Variants in KCTD3 observed in about 807,000 individuals in gnomAD.
KCTD3 encodes the protein potassium channel tetramerization domain containing 3.
KCTD3 carries 41 observed loss-of-function variants against 85.8 expected under a neutral mutation model. The observed-to-expected ratio is 0.48, with a 90% CI of 0.37 to 0.62. The LOEUF (loss-of-function observed/expected upper bound fraction) is 0.62. KCTD3 is among the 20% of genes least tolerant of loss of function. The pLI is 0.00. For missense variants in KCTD3, 724 were observed against 989.9 expected, an observed-to-expected ratio of 0.73 and a Z score of 3.60; for synonymous variants, 338 against 345.4, an observed-to-expected ratio of 0.98 and a Z score of 0.24.
chr1:215,605,173 G>T (rs1654967450), intron 13 of KCTD3, among the ~76,000 whole-genome samples: 1 of 152,100 alleles, frequency 6.6e-6, no homozygotes, highest in South Asian at 2.1e-4. Flanking sequence ...TACAAACATG[G>T]TTTTCATGTG....
chr1:215,605,330 G>T (rs1654973006), intron 13 of KCTD3, among the ~76,000 whole-genome samples: 1 of 152,108 alleles, frequency 6.6e-6, no homozygotes, highest in African/African-American at 2.4e-5. Context: ...ATGTGTAATT[G>T]TTTGTGGTAT....
Position 215,618,872 on chromosome 1 carries a change from CT to C in KCTD3, c.1563-10del. The C allele has an allele frequency of 6.4e-7, 1 of 1,563,522 alleles. No homozygotes were observed. ...CTCATTCCCATCAGGGCTCTTTCTG[CT>C]TTTCTTTTGCAGAATATGTGAGATC... On this transcript the variant is annotated splice_polypyrimidine_tract_variant and intron_variant, in intron 15 of 17. Coordinates refer to ENST00000259154, the MANE Select transcript of KCTD3 (RefSeq NM_016121.5).
In KCTD3 at chr1:215,579,232, C is replaced by T. The variant is rs1659710581; in HGVS notation, c.535+95C>T. ...TTACTTTTAAAGATTTTTGCCTCAT[C>T]TCCTTTTTTATCCAGATTTATCATT... On this transcript the variant is annotated intron_variant, in intron 7 of 17. Coordinates refer to ENST00000259154, the MANE Select transcript of KCTD3 (RefSeq NM_016121.5). The T allele has an allele frequency of 9.4e-6, 9 of 957,062 alleles. No individual in the cohort carries two copies. In the South Asian group the frequency reaches 1.4e-4, roughly 15 times the overall value. The allele number at this position is 957,062 out of a possible 1,614,324, so 59.3% of individuals were successfully genotyped here. A position where few individuals can be genotyped will look rare whatever the true frequency, so the allele number is the denominator to read the frequency against.
intron 9 of KCTD3, among the ~76,000 whole-genome samples, chr1:215,590,280 G>A (rs886223031): frequency 6.6e-6 from 1 of 151,984 alleles, no homozygotes; most frequent in East Asian, 1.9e-4. Flanking sequence ...TTTTAATGAG[G>A]TTGTCATCCT....
chr1:215,587,672 A>G (rs2102571624), intron 9 of KCTD3, among the ~76,000 whole-genome samples: 1 of 152,330 alleles, frequency 6.6e-6, no homozygotes, highest in Non-Finnish European at 1.5e-5. Flanking sequence ...ATTGAAGTAT[A>G]TGAAGAAAAC....
At chr1:215,573,943 A>C (rs1659469437) in intron 2 of KCTD3, 104 bp downstream of exon 2, 2 of 990,682 alleles carry the variant, frequency 2.0e-6, no homozygotes, top group Admixed American at 4.8e-5. Context: ...TTAACTCTTA[A>C]AATTATATAT....
At chr1:215,581,392 T>A (rs1659820501) in intron 8 of KCTD3, among the ~76,000 whole-genome samples, 1 of 152,228 alleles carries the variant, frequency 6.6e-6, no homozygotes, top group Non-Finnish European at 1.5e-5. Flanking sequence ...AATTTTTTTT[T>A]AGGAAGCATT....
At position 215,567,564 on chromosome 1, in the gene KCTD3, G is replaced by A. The variant is rs1052360351; in HGVS notation, c.-122G>A. 2.3e-6 allele frequency: 1 copy of A among 427,612 alleles called. No homozygotes were observed. The allele number at this position is 427,612 out of a possible 1,614,324, so 26.5% of individuals were successfully genotyped here. ...GTGGGGGAAGCCCCGTGCACCCCCC[G>A]CCCTCCGGCCGCCGCCGCCCCGCTG... On this transcript the variant is annotated 5_prime_UTR_variant, in exon 1 of 18. Coordinates refer to ENST00000259154, the MANE Select transcript of KCTD3 (RefSeq NM_016121.5).
intron 15 of KCTD3, among the ~76,000 whole-genome samples, chr1:215,616,769 AAAT>A (rs749950219): frequency 2.0e-5 from 3 of 152,234 alleles, no homozygotes; most frequent in Non-Finnish European, 4.4e-5. Context: ...TAATGAAAAA[AAAT>A]AATAATTTCC....
At position 215,620,543 on chromosome 1, in the gene KCTD3, C is replaced by CCCATCTCCTACAAAGACTACT. The variant is rs751078644; in HGVS notation, c.2383_2403dup (p.Thr795_Pro801dup). 46 of 1,613,556 alleles carry CCCATCTCCTACAAAGACTACT rather than the reference C, an allele frequency of 2.9e-5. No homozygotes were observed. Among genetic ancestry groups the CCCATCTCCTACAAAGACTACT allele is most frequent in the Non-Finnish European group, 3.7e-5 (44 of 1,179,764 alleles). On this transcript the variant is annotated inframe_insertion, in exon 18 of 18. Coordinates refer to ENST00000259154, the MANE Select transcript of KCTD3 (RefSeq NM_016121.5). The stretch of plus-strand genomic sequence containing the variant: ...GAACTGACTCACCTGGTACTGCGTC[C>CCCATCTCCTACAAAGACTACT]CCATCTCCTACAAAGACTACTCCAT...
chr1:215,620,587 G>A lies in KCTD3; in HGVS notation c.2417G>A (p.Ser806Asn), dbSNP rs1655641111. The A allele has an allele frequency of 6.2e-7, 1 of 1,607,050 alleles. No homozygotes were observed. Among genetic ancestry groups the A allele is most frequent in the East Asian group, 2.2e-5 (1 of 44,834 alleles). ...ACTCCATCTCCTCGGCATAAAAAAA[G>A]TGATTCTTCAGGTCAGGAGTACAGC... ...KTTPSPRHKK[S>N]DSSGQEYSL The change falls in exon 18 of 18, where the codon AGT becomes AAT. Residue 806 changes from serine to asparagine, a missense_variant. By Grantham distance (46) the Ser-to-Asn change is conservative (BLOSUM62 1). Around this residue, in one of 6 missense-constraint regions of KCTD3, gnomAD observed 222 missense variants for 217.7 expected, o/e 1.02. Coordinates refer to ENST00000259154, the MANE Select transcript of KCTD3 (RefSeq NM_016121.5).
intron 15 of KCTD3, among the ~76,000 whole-genome samples, chr1:215,615,958 C>T (rs185972704): frequency 5.9e-5 from 9 of 152,186 alleles, no homozygotes; most frequent in Non-Finnish European, 1.2e-4. Context: ...TCCTTTCTCC[C>T]AGGGATGGGG....
At position 215,608,089 on chromosome 1, in the gene KCTD3, G is replaced by T; in HGVS notation, c.1382G>T (p.Gly461Val). Residue 461 changes from glycine (G) to valine (V), a missense_variant, in exon 14 of 18, where the codon GGT becomes GTT. Physicochemically the swap from Gly to Val is moderately radical, Grantham distance 109. Around this residue, in one of 6 missense-constraint regions of KCTD3, gnomAD observed 146 missense variants for 320.3 expected, o/e 0.46. Coordinates refer to ENST00000259154, the MANE Select transcript of KCTD3 (RefSeq NM_016121.5). ...RFRGMISTQP[G>V]STPLASFKIL... ...AGAGGAATGATCTCTACTCAGCCAGGTTCTACTCCTTTAGCGTCATTCAAG... is the reference window on the plus strand; with the variant it reads ...AGAGGAATGATCTCTACTCAGCCAGTTTCTACTCCTTTAGCGTCATTCAAG... The T allele has an allele frequency of 6.2e-7, 1 of 1,612,050 alleles. No homozygotes were observed. The highest frequency in any genetic ancestry group is 8.5e-7 in the Non-Finnish European group (1 of 1,178,544).
rs368679009 is a variant in KCTD3 at position 215,578,038 on chromosome 1, C to G, written c.354C>G (p.Ser118=). ...TCTTATGTGAAGAATTGGAGCGTTC[C>G]TCTTGTGGCAGTGTCCTTTTTCATG... ...RLLLCEELER[S]SCGSVLFHGY... The change falls in exon 6 of 18, where the codon TCC becomes TCG. Residue 118 remains serine (S), a synonymous_variant. Coordinates refer to ENST00000259154, the MANE Select transcript of KCTD3 (RefSeq NM_016121.5). 5 of 1,612,234 alleles carry G rather than the reference C, an allele frequency of 3.1e-6. No homozygotes were observed. Among genetic ancestry groups the G allele is most frequent in the African/African-American group, 1.3e-5 (1 of 74,866 alleles).
chr1:215,571,041 A>C (rs1161330594), intron 1 of KCTD3, among the ~76,000 whole-genome samples: 1 of 152,228 alleles, frequency 6.6e-6, no homozygotes, highest in Non-Finnish European at 1.5e-5. Context: ...CCTTTCCCCA[A>C]AATGCTGATT....
At chr1:215,617,887 A>G (rs1391872507) in intron 15 of KCTD3, among the ~76,000 whole-genome samples, 1 of 148,774 alleles carries the variant, frequency 6.7e-6, no homozygotes, top group Non-Finnish European at 1.5e-5. Context: ...ATATATATGT[A>G]TATCTTCTAG....
chr1:215,605,615 T>C (rs140920472), intron 13 of KCTD3, among the ~76,000 whole-genome samples: 2 of 152,128 alleles, frequency 1.3e-5, no homozygotes, highest in Admixed American at 6.6e-5. Flanking sequence ...GGATCTCTGG[T>C]TGTATGTTTA....
Position 215,575,955 on chromosome 1 carries a change from A to T in KCTD3, c.238A>T (p.Thr80Ser). The T allele has an allele frequency of 6.5e-7, 1 of 1,547,182 alleles. No individual in the cohort carries two copies. The highest frequency in any genetic ancestry group is 8.8e-7 in the Non-Finnish European group (1 of 1,133,542). ...AFAPILNFLRTKELDLRGVSI... is the reference protein window; with the variant it reads ...AFAPILNFLRSKELDLRGVSI... ...TGCACCCATTTTAAATTTTCTTCGG[A>T]CAAAAGAACTAGACTTAAGGTAAGA... is the stretch of plus-strand genomic sequence containing the variant. The change falls in exon 4 of 18, where the codon ACA (threonine) becomes TCA (serine). Residue 80 changes from threonine (T) to serine (S), a missense_variant. By Grantham distance (58) the Thr-to-Ser change is moderately conservative (BLOSUM62 1). This residue lies in a region of KCTD3 where 97 missense variants were observed against 115.7 expected (regional missense o/e 0.84). Coordinates refer to ENST00000259154, the MANE Select transcript of KCTD3 (RefSeq NM_016121.5).
chr1:215,576,051 T>G (rs1230040528), intron 4 of KCTD3, 77 bp downstream of exon 4: 4 of 837,530 alleles, frequency 4.8e-6, no homozygotes, highest in Admixed American at 3.0e-5. Flanking sequence ...AAATAAAAGG[T>G]TTTTTTTGTT....
Sources: allele counts gnomAD v4.1 joint callset (sites outside exome capture counted in the v4.1 genomes callset), GRCh38; gene constraint gnomAD v4.1.1; regional missense constraint gnomAD v4.1.1; transcripts MANE v1.5; gene names NCBI Gene and HGNC (gene_info 2026-07-23, HGNC 2026-07-21).